Variants in ZPBP observed in about 807,000 individuals in gnomAD.
ZPBP encodes zona pellucida binding protein, also known as zona pellucida-binding protein 1.
Under a neutral mutation model 44.8 loss-of-function variants are expected in ZPBP, and 26 were observed. The observed-to-expected ratio is 0.58, with a 90% CI of 0.43 to 0.81. The LOEUF (loss-of-function observed/expected upper bound fraction) is 0.81, where lower values mean the gene tolerates loss of function less well. Among genes scored for constraint, ZPBP ranks in the 30% least tolerant of loss-of-function variants. The pLI, the probability that ZPBP is intolerant of heterozygous loss-of-function variation, is 0.00. For synonymous variants in ZPBP, 174 were observed against 153.2 expected (o/e 1.14, Z -1.00); for missense variants, 409 against 434.0 (o/e 0.94, Z 0.51).
At chr7:50,053,664 G>T (rs1417536915) in intron 4 of ZPBP, among the ~76,000 whole-genome samples, 1 of 152,064 alleles carries the variant, frequency 6.6e-6, no homozygotes, top group Non-Finnish European at 1.5e-5. Flanking sequence ...AACACATTTG[G>T]AAATTTCTGC....
chr7:49,873,072 T>C (rs1791243758), intron 2 of ZPBP, among the ~76,000 whole-genome samples: 1 of 152,086 alleles, frequency 6.6e-6, no homozygotes, highest in Non-Finnish European at 1.5e-5. Context: ...TGTTCAACCT[T>C]AGTAGTTTTC....
chr7:50,001,663 C>G (rs1798098661), intron 6 of ZPBP, among the ~76,000 whole-genome samples: 2 of 152,056 alleles, frequency 1.3e-5, no homozygotes. Flanking sequence ...ATAATCCATT[C>G]CTAAAGAGCA....
chr7:50,038,869 C>T (rs1003354856), intron 4 of ZPBP, among the ~76,000 whole-genome samples: 2 of 152,110 alleles, frequency 1.3e-5, no homozygotes, highest in Non-Finnish European at 2.9e-5. Flanking sequence ...GAGGAAAAGG[C>T]CATACCACGT....
the ZPBP span, among the ~76,000 whole-genome samples, chr7:49,844,561 A>G: frequency 1.3e-5 from 2 of 152,234 alleles, no homozygotes; most frequent in Non-Finnish European, 1.5e-5. Flanking sequence ...ATTGTAGCAA[A>G]CAGAAGCCCT....
At chr7:49,932,487 TC>T (rs1450757374), downstream of ZPBP, among the ~76,000 whole-genome samples, 4 of 152,262 alleles carry the variant, frequency 2.6e-5, no homozygotes, top group African/African-American at 9.6e-5. Flanking sequence ...TGCAGCCCCT[TC>T]GTTTTGGCCA....
At chr7:49,856,712 G>T (rs1482381650) in intron 2 of ZPBP, among the ~76,000 whole-genome samples, 3 of 152,068 alleles carry the variant, frequency 2.0e-5, no homozygotes. Context: ...TGTCCTTTTG[G>T]TTTTGTTTTG....
intron 2 of ZPBP, among the ~76,000 whole-genome samples, chr7:49,873,650 G>C (rs531028536): frequency 6.6e-6 from 1 of 152,256 alleles, no homozygotes; most frequent in South Asian, 2.1e-4. Flanking sequence ...GCATAGCCAG[G>C]CATTATGCAG....
chr7:50,040,186 T>C (rs68018030), intron 4 of ZPBP, among the ~76,000 whole-genome samples: 27,909 of 152,120 alleles, frequency 0.18, 3,544 homozygotes, highest in East Asian at 0.62. Context: ...AAGCAGATGG[T>C]CAGACTAGAT....
chr7:50,057,413 C>A (rs965748331), intron 4 of ZPBP, among the ~76,000 whole-genome samples: 1 of 152,144 alleles, frequency 6.6e-6, no homozygotes, highest in African/African-American at 2.4e-5. Flanking sequence ...AACTCTTAGT[C>A]TGTAAGAGTG....
chr7:49,957,078 G>A (rs1240325944), intron 7 of ZPBP, among the ~76,000 whole-genome samples: 2 of 152,058 alleles, frequency 1.3e-5, no homozygotes, highest in Non-Finnish European at 2.9e-5. Flanking sequence ...TCTGAGTTTG[G>A]CCCCTTTGTC....
intron 2 of ZPBP, among the ~76,000 whole-genome samples, chr7:49,855,227 G>A (rs1409294577): frequency 6.6e-6 from 1 of 152,156 alleles, no homozygotes; most frequent in African/African-American, 2.4e-5. Context: ...CTCTGAAAAT[G>A]GGATATGTTT....
intron 2 of ZPBP, among the ~76,000 whole-genome samples, chr7:49,890,706 C>T (rs1178531128): frequency 7.1e-6 from 1 of 140,804 alleles, no homozygotes; most frequent in African/African-American, 2.7e-5. Flanking sequence ...ATAGAATGCA[C>T]ACACATTAAA....
At chr7:50,035,201 G>T (rs534458515) in intron 4 of ZPBP, among the ~76,000 whole-genome samples, 1 of 152,262 alleles carries the variant, frequency 6.6e-6, no homozygotes, top group South Asian at 2.1e-4. Flanking sequence ...TGTAAGCAAG[G>T]CCCCTAAGCC....
intron 2 of ZPBP, among the ~76,000 whole-genome samples, chr7:49,868,646 C>A (rs1791010885): frequency 6.6e-6 from 1 of 152,182 alleles, no homozygotes; most frequent in South Asian, 2.1e-4. Context: ...TAGATGAAGT[C>A]TTGCTCTGTC....
At chr7:50,015,466 C>T (rs1798779869) in intron 6 of ZPBP, among the ~76,000 whole-genome samples, 1 of 152,048 alleles carries the variant, frequency 6.6e-6, no homozygotes, top group African/African-American at 2.4e-5. Context: ...TAGCAGAAAG[C>T]TTAGGACATA....
chr7:49,987,606 G>C (rs1022204890), intron 6 of ZPBP, among the ~76,000 whole-genome samples: 2 of 152,078 alleles, frequency 1.3e-5, no homozygotes, highest in African/African-American at 4.8e-5. Context: ...TCCTAGCCTT[G>C]CTTTAAGCCT....
At chr7:49,892,740 C>G (rs549738958) in intron 2 of ZPBP, among the ~76,000 whole-genome samples, 54 of 152,310 alleles carry the variant, frequency 3.5e-4, no homozygotes, top group African/African-American at 1.2e-3. Flanking sequence ...GCAAAGGAGA[C>G]AGTGACATTT....
chr7:50,035,908 T>C (rs1799807013), intron 4 of ZPBP, among the ~76,000 whole-genome samples: 1 of 152,088 alleles, frequency 6.6e-6, no homozygotes, highest in Non-Finnish European at 1.5e-5. Context: ...GTGGGGATTA[T>C]AAAAATGCAA....
chr7:50,065,359 T>TA (rs1246495376), intron 3 of ZPBP, among the ~76,000 whole-genome samples: 2 of 150,784 alleles, frequency 1.3e-5, no homozygotes, highest in African/African-American at 4.9e-5. Flanking sequence ...AAGAGTGGCT[T>TA]AGAGTAGAGA....
Sources: allele counts gnomAD v4.1 joint callset (sites outside exome capture counted in the v4.1 genomes callset), GRCh38; gene constraint gnomAD v4.1.1; transcripts MANE v1.5; gene names NCBI Gene and HGNC (gene_info 2026-07-23, HGNC 2026-07-21).